Variants in TMPRSS15 observed in about 807,000 individuals in gnomAD.
TMPRSS15 encodes the protein enteropeptidase.
In TMPRSS15, 128 loss-of-function variants were observed where a neutral mutation model predicts 125.3. The ratio of observed to expected loss-of-function variants is 1.02; its 90% CI spans 0.89 to 1.18. The LOEUF (loss-of-function observed/expected upper bound fraction) is 1.18, where lower values mean the gene tolerates loss of function less well. Among genes scored for constraint, TMPRSS15 ranks in the 50% most tolerant of loss-of-function variants. The pLI is 0.00. For missense variants in TMPRSS15, 1,283 were observed against 1,212.7 expected (o/e 1.06, Z -0.86); for synonymous variants, 446 against 423.2 (o/e 1.05, Z -0.66).
At chr21:18,309,707 T>C (rs1246762820) in intron 18 of TMPRSS15, among the ~76,000 whole-genome samples, 1 of 151,966 alleles carries the variant, frequency 6.6e-6, no homozygotes, top group Non-Finnish European at 1.5e-5. Flanking sequence ...ATTGGAGAAA[T>C]GCAAATCAAA....
At chr21:18,463,307 T>G (rs1163414239) in intron 1 of TMPRSS15, among the ~76,000 whole-genome samples, 5 of 138,522 alleles carry the variant, frequency 3.6e-5, no homozygotes, top group Non-Finnish European at 7.7e-5. Context: ...GCAATCCTAG[T>G]CTCTGATAAA....
intron 1 of TMPRSS15, among the ~76,000 whole-genome samples, chr21:18,429,398 G>T (rs772650989): frequency 4.6e-4 from 70 of 152,084 alleles, no homozygotes; most frequent in Non-Finnish European, 3.4e-4. Context: ...GGCCAGGGTG[G>T]AATGATATGG....
At position 18,328,587 on chromosome 21, in the gene TMPRSS15, T is replaced by C. The variant is rs1048909001; in HGVS notation, c.1780+582A>G. ...ATATTGTCCAAAATAGTTAAACTCA[T>C]GGAGATAGAGAGTAGAATGATGGTT... is the stretch of plus-strand genomic sequence containing the variant. On this transcript the variant is annotated intron_variant, in intron 15 of 24. Transcript: ENST00000284885. Among the ~76,000 whole-genome samples the C allele has an allele frequency of 6.6e-5, 10 of 152,068 alleles. No individual in the cohort carries two copies. The South Asian group carries it at 1.9e-3, about 28-fold the overall frequency.
intron 1 of TMPRSS15, among the ~76,000 whole-genome samples, chr21:18,433,842 CTG>C (rs1463592746): frequency 1.3e-5 from 2 of 151,942 alleles, no homozygotes; most frequent in Non-Finnish European, 2.9e-5. Context: ...TGCAGATAAA[CTG>C]TAATTAACAT....
At chr21:18,327,799 G>C (rs952964852) in intron 15 of TMPRSS15, among the ~76,000 whole-genome samples, 2 of 152,044 alleles carry the variant, frequency 1.3e-5, no homozygotes, top group African/African-American at 4.8e-5. Flanking sequence ...TTGATCATTT[G>C]AGCATCTTTA....
intron 1 of TMPRSS15, among the ~76,000 whole-genome samples, chr21:18,464,665 A>T (rs1978622423): frequency 6.6e-6 from 1 of 152,218 alleles, no homozygotes; most frequent in Admixed American, 6.5e-5. Context: ...TCTGGAAAAA[A>T]TGGATAAATT....
intron 1 of TMPRSS15, among the ~76,000 whole-genome samples, chr21:18,414,815 C>T (rs1402799343): frequency 6.6e-6 from 1 of 152,202 alleles, no homozygotes; most frequent in East Asian, 1.9e-4. Flanking sequence ...TTGTAATAAA[C>T]GTGGGACAGA....
Position 18,457,877 on chromosome 21 carries a change from TTAGA to T in TMPRSS15, c.10+27918_10+27921del, listed in dbSNP as rs150354447. Among the ~76,000 whole-genome samples the T allele has an allele frequency of 5.6e-3, 854 of 152,272 alleles. 7 individuals carry two copies. The highest frequency in any genetic ancestry group is 0.018 in the African/African-American group (767 of 41,574). On this transcript the variant is annotated intron_variant, in intron 1 of 7. Transcript: ENST00000422787. Reference sequence around the variant, plus strand: ...TGTTTAAATTCTGTGGCCTGAGCACTTAGATAACTTTTGAATAACCAACTGATTT... The same window carrying T: ...TGTTTAAATTCTGTGGCCTGAGCACTTAACTTTTGAATAACCAACTGATTT...
At chr21:18,392,754 C>T (rs2076001288) in intron 3 of TMPRSS15, among the ~76,000 whole-genome samples, 1 of 152,136 alleles carries the variant, frequency 6.6e-6, no homozygotes, top group African/African-American at 2.4e-5. Context: ...TTCTGCATGA[C>T]TGGGGAGGCC....
intron 1 of TMPRSS15, among the ~76,000 whole-genome samples, chr21:18,417,445 G>A (rs979422880): frequency 6.6e-6 from 1 of 152,042 alleles, no homozygotes; most frequent in African/African-American, 2.4e-5. Flanking sequence ...CTAAAACACA[G>A]TAATCTAATT....
chr21:18,430,214 A>G (rs2076213642), intron 1 of TMPRSS15, among the ~76,000 whole-genome samples: 1 of 152,210 alleles, frequency 6.6e-6, no homozygotes, highest in Non-Finnish European at 1.5e-5. Flanking sequence ...GAATAATCAT[A>G]TTTCACAATT....
chr21:18,448,871 T>C (rs2076261254), intron 1 of TMPRSS15, among the ~76,000 whole-genome samples: 1 of 152,198 alleles, frequency 6.6e-6, no homozygotes, highest in African/African-American at 2.4e-5. Flanking sequence ...AAAATAATGA[T>C]AAACTATTTC....
At chr21:18,287,017 C>T (rs979548196) in intron 21 of TMPRSS15, among the ~76,000 whole-genome samples, 40 of 152,222 alleles carry the variant, frequency 2.6e-4, no homozygotes, top group African/African-American at 9.6e-4. Context: ...CTTTCTCCAA[C>T]CACTGTATCG....
Position 18,396,792 on chromosome 21 carries a change from A to AAATCTGTCTGTCTG in TMPRSS15, c.344+1086_344+1087insCAGACAGACAGATT, listed in dbSNP as rs1408156983. Among the ~76,000 whole-genome samples, 271 of 112,768 alleles carry AAATCTGTCTGTCTG rather than the reference A, an allele frequency of 2.4e-3. 5 individuals carry two copies. Among genetic ancestry groups the AAATCTGTCTGTCTG allele is most frequent in the African/African-American group, 3.3e-3 (98 of 29,262 alleles). The allele number at this position is 112,768 out of a possible 152,430, so 74.0% of individuals were successfully genotyped here. On this transcript the variant is annotated intron_variant, in intron 3 of 24. Coordinates refer to ENST00000284885, the MANE Select transcript of TMPRSS15 (RefSeq NM_002772.3). The stretch of plus-strand genomic sequence containing the variant: ...CTGTCTCAAAAAAAAAAAAAAAAAA[A>AAATCTGTCTGTCTG]TCTGTCTGTCTGTCTGTCTATCTAT...
intron 14 of TMPRSS15, among the ~76,000 whole-genome samples, chr21:18,331,656 A>C (rs2075346600): frequency 6.6e-6 from 1 of 152,132 alleles, no homozygotes; most frequent in Admixed American, 6.5e-5. Context: ...CTGGTTCTTT[A>C]CTTTTTAATA....
At chr21:18,277,832 T>C (rs1380170145) in intron 23 of TMPRSS15, among the ~76,000 whole-genome samples, 1 of 152,210 alleles carries the variant, frequency 6.6e-6, no homozygotes, top group Non-Finnish European at 1.5e-5. Context: ...CAGAGCCTTT[T>C]CTGGTGCTTT....
intron 22 of TMPRSS15, among the ~76,000 whole-genome samples, 178 bp from the exon 23 acceptor site, chr21:18,279,237 G>A (rs2074660494): frequency 1.4e-5 from 2 of 145,866 alleles, no homozygotes; most frequent in Admixed American, 7.0e-5. Flanking sequence ...AGGCATTTCA[G>A]AGCAGCACTT....
chr21:18,387,271 T>C (rs2075951820), intron 3 of TMPRSS15, among the ~76,000 whole-genome samples: 1 of 152,140 alleles, frequency 6.6e-6, no homozygotes, highest in Non-Finnish European at 1.5e-5. Flanking sequence ...CCTTGTAAAA[T>C]AACAGTTTTT....
At chr21:18,480,486 CAT>C (rs1244424579) in intron 1 of TMPRSS15, among the ~76,000 whole-genome samples, 4 of 151,832 alleles carry the variant, frequency 2.6e-5, no homozygotes, top group African/African-American at 9.7e-5. Context: ...CATGTACAAA[CAT>C]ATTTTTTATT....
Sources: allele counts gnomAD v4.1 joint callset (sites outside exome capture counted in the v4.1 genomes callset), GRCh38; gene constraint gnomAD v4.1.1; transcripts MANE v1.5; gene names NCBI Gene and HGNC (gene_info 2026-07-23, HGNC 2026-07-21).